Variants in SIGLECL1 observed in about 807,000 individuals in gnomAD.
SIGLECL1 encodes SIGLEC family like 1.
A neutral mutation model predicts 19.1 loss-of-function variants in SIGLECL1; 16 were observed. The ratio of observed to expected loss-of-function variants is 0.84; its 90% confidence interval spans 0.57 to 1.27. SIGLECL1 has a LOEUF of 1.27. SIGLECL1 is among the 50% of genes most tolerant of loss of function. The pLI, the probability that SIGLECL1 is intolerant of heterozygous loss-of-function variation, is 0.00. For synonymous variants in SIGLECL1, 89 were observed against 90.4 expected, an observed-to-expected ratio of 0.98 and a Z score of 0.09; for missense variants, 210 against 239.4, an observed-to-expected ratio of 0.88 and a Z score of 0.81.
upstream of SIGLECL1, among the ~76,000 whole-genome samples, chr19:51,248,258 T>G (rs1982329832): frequency 6.6e-6 from 1 of 152,118 alleles, no homozygotes; most frequent in Admixed American, 6.5e-5. Context: ...TAGGGTGGGG[T>G]TACCAGCCTT....
upstream of SIGLECL1, among the ~76,000 whole-genome samples, chr19:51,247,365 C>T (rs901916362): frequency 6.6e-6 from 1 of 152,122 alleles, no homozygotes; most frequent in African/African-American, 2.4e-5. Flanking sequence ...GATACTTGAA[C>T]AAAATGAACT....
chr19:51,261,279 CT>C (rs1017581097), intron 1 of SIGLECL1, among the ~76,000 whole-genome samples: 1 of 151,916 alleles, frequency 6.6e-6, no homozygotes, highest in African/African-American at 2.4e-5. Flanking sequence ...TGTTTTCATT[CT>C]TTGGTTTTTT....
chr19:51,268,524 G>A (rs1983842840), intron 5 of SIGLECL1, 47 bp from the exon 6 acceptor site: 2 of 1,609,304 alleles, frequency 1.2e-6, no homozygotes, highest in Non-Finnish European at 1.7e-6. Flanking sequence ...CTCTAGACCT[G>A]TTCCAACATT....
At chr19:51,248,304 C>T (rs536994072), upstream of SIGLECL1, among the ~76,000 whole-genome samples, 20 of 152,322 alleles carry the variant, frequency 1.3e-4, no homozygotes, top group South Asian at 4.1e-3. Flanking sequence ...CCCGATCAAA[C>T]CAATCTATGA....
chr19:51,255,541 A>G (rs1331208868), intron 1 of SIGLECL1, among the ~76,000 whole-genome samples: 1 of 152,196 alleles, frequency 6.6e-6, no homozygotes, highest in Middle Eastern at 3.2e-3. Context: ...GCATCCATCT[A>G]ATAAGGGGCT....
upstream of SIGLECL1, among the ~76,000 whole-genome samples, chr19:51,249,271 C>A (rs1396508959): frequency 1.3e-5 from 2 of 151,938 alleles, no homozygotes; most frequent in Non-Finnish European, 2.9e-5. Context: ...CTGATAATAT[C>A]AATTACAAAG....
At chr19:51,254,795 G>A (rs991013732) in intron 1 of SIGLECL1, among the ~76,000 whole-genome samples, 5 of 151,928 alleles carry the variant, frequency 3.3e-5, no homozygotes, top group African/African-American at 1.2e-4. Flanking sequence ...TGAATTTATG[G>A]TATATGAATT....
upstream of SIGLECL1, among the ~76,000 whole-genome samples, chr19:51,250,864 G>A (rs560397271): frequency 1.7e-4 from 26 of 152,306 alleles, no homozygotes; most frequent in Non-Finnish European, 3.2e-4. Flanking sequence ...AGCTCCCAGG[G>A]GCACACGCCT....
rs78517986 is a variant in SIGLECL1 at position 51,268,627 on chromosome 19, C to A, written c.*30C>A. The A allele has an allele frequency of 9.1e-4, 1,466 of 1,607,348 alleles. 12 individuals are homozygous for A. The African/African-American group carries it at 0.016, about 17-fold the overall frequency. ...GTGGAACATGCCTCATACCTGGAGT[C>A]GCCATTATCCCTGGAATTACAAAGA... On this transcript the variant is annotated 3_prime_UTR_variant, in exon 6 of 6. Transcript: ENST00000601727.
In SIGLECL1 at chr19:51,265,607, A is replaced by C. The variant is rs1983588116; in HGVS notation, c.262A>C (p.Asn88His). 6.2e-7 allele frequency: 1 copy of C among 1,614,166 alleles called. No individual in the cohort carries two copies. Among genetic ancestry groups the C allele is most frequent in the African/African-American group, 1.3e-5 (1 of 75,046 alleles). ...CATGAGACTTCTCTGTGAGGGGAAG[A>C]ACCAAAACGGAACCCATGCTTTGAG... ...MGMRLLCEGK[N>H]QNGTHALSIL... Residue 88 changes from asparagine (N) to histidine (H), a missense_variant, in exon 3 of 6, where the codon AAC becomes CAC. Physicochemically the swap from Asn to His is moderately conservative, Grantham distance 68. Transcript: ENST00000601727.
upstream of SIGLECL1, among the ~76,000 whole-genome samples, chr19:51,249,795 T>C (rs118031234): frequency 9.2e-5 from 14 of 152,278 alleles, no homozygotes; most frequent in East Asian, 2.7e-3. Context: ...GGCTATTCCA[T>C]AGAGTAACGT....
At position 51,265,762 on chromosome 19, in the gene SIGLECL1, G is replaced by A. The variant is rs370823100; in HGVS notation, c.305-15G>A. 9.3e-6 allele frequency: 15 copies of A among 1,613,968 alleles called. No homozygotes were observed. The African/African-American group carries it at 1.7e-4, about 19-fold the overall frequency. On this transcript the variant is annotated splice_polypyrimidine_tract_variant and intron_variant, in intron 3 of 5. Coordinates refer to ENST00000601727, the MANE Select transcript of SIGLECL1 (RefSeq NM_001385465.1). ...GGCTCCGATGCCAAACTTCTCACAT[G>A]CTCTCTGCTTCCAGGAAAGAGTTCT...
At position 51,265,381 on chromosome 19, in the gene SIGLECL1, G is replaced by GC. The variant is rs766882539; in HGVS notation, c.37dup (p.Leu13ProfsTer55). On this transcript the variant is annotated frameshift_variant, in exon 3 of 6. Coordinates refer to ENST00000601727, the MANE Select transcript of SIGLECL1 (RefSeq NM_001385465.1). LOFTEE classifies it high-confidence loss of function. ...TCCTCCCCACAGTACCTGCTAAGCTGCTCAACTCCTCTTGCTCCTTGGAGA... is the reference window on the plus strand; with the variant it reads ...TCCTCCCCACAGTACCTGCTAAGCTGCCTCAACTCCTCTTGCTCCTTGGAGA... 1 of 1,611,140 alleles carries GC rather than the reference G, an allele frequency of 6.2e-7. No individual in the cohort carries two copies. The highest frequency in any genetic ancestry group is 8.5e-7 in the Non-Finnish European group (1 of 1,177,938).
intron 1 of SIGLECL1, among the ~76,000 whole-genome samples, chr19:51,262,783 C>T (rs1356150970): frequency 6.6e-6 from 1 of 152,166 alleles, no homozygotes; most frequent in African/African-American, 2.4e-5. Context: ...ACCAAGTGAT[C>T]ACATATGTAT....
rs913769236 is a variant in SIGLECL1, at chr19:51,251,305, G to A, written c.-431G>A. ...TGCACTAACTGGGCTTCCAGTCAGC[G>A]TCAGTCAGCGGATCCTTGGGCCGTG... On this transcript the variant is annotated 5_prime_UTR_variant, in exon 1 of 6. Coordinates refer to ENST00000601727, the MANE Select transcript of SIGLECL1 (RefSeq NM_001385465.1). 18 of 152,716 alleles carry A rather than the reference G, an allele frequency of 1.2e-4. No homozygotes were observed. The highest frequency in any genetic ancestry group is 2.6e-4 in the African/African-American group (11 of 41,584). 9.5% of individuals were successfully genotyped at this position (152,716 alleles called of 1,614,324 possible). A position where few individuals can be genotyped will look rare whatever the true frequency, so the allele number is the denominator to read the frequency against.
intron 1 of SIGLECL1, among the ~76,000 whole-genome samples, chr19:51,263,494 G>A (rs12232860): frequency 0.39 from 58,560 of 151,946 alleles, 11,933 homozygotes; most frequent in African/African-American, 0.44. Flanking sequence ...AAAACAAACC[G>A]GGCATAGTGG....
chr19:51,261,524 G>A (rs7260005), intron 1 of SIGLECL1, among the ~76,000 whole-genome samples: 9,538 of 152,116 alleles, frequency 0.063, 995 homozygotes, highest in African/African-American at 0.22. Flanking sequence ...TCCTGACCTC[G>A]TGATCCGCCC....
upstream of SIGLECL1, among the ~76,000 whole-genome samples, chr19:51,247,852 T>G (rs989764215): frequency 8.5e-5 from 13 of 152,224 alleles, no homozygotes; most frequent in African/African-American, 3.1e-4. Context: ...AAAACTTGTT[T>G]AATCCTGAAC....
Position 51,269,115 on chromosome 19 carries a change from G to A in SIGLECL1, c.*518G>A, listed in dbSNP as rs891449591. 2.6e-5 allele frequency: 4 copies of A among 156,332 alleles called. No homozygotes were observed. Among genetic ancestry groups the A allele is most frequent in the Admixed American group, 1.2e-4 (2 of 16,282 alleles). The allele number at this position is 156,332 out of a possible 1,614,324, so 9.7% of individuals were successfully genotyped here. A position where few individuals can be genotyped will look rare whatever the true frequency, so the allele number is the denominator to read the frequency against. The stretch of plus-strand genomic sequence containing the variant: ...TGACCCATATCTGGGTGGAGAATGG[G>A]TGAAAAGTACTGTTCAGAGATGCAG... On this transcript the variant is annotated 3_prime_UTR_variant, in exon 6 of 6. Transcript: ENST00000601727.
Sources: allele counts gnomAD v4.1 joint callset (sites outside exome capture counted in the v4.1 genomes callset), GRCh38; gene constraint gnomAD v4.1.1; transcripts MANE v1.5; gene names NCBI Gene and HGNC (gene_info 2026-07-23, HGNC 2026-07-21).